TFCP2L1: variants seen among roughly 807,000 people sequenced by gnomAD.
The protein encoded by TFCP2L1 is transcription factor CP2 like 1.
TFCP2L1 carries 12 observed loss-of-function variants against 72.2 expected under a neutral mutation model. The observed-to-expected ratio is 0.17, with a 90% CI of 0.11 to 0.27. TFCP2L1 has a LOEUF of 0.27. TFCP2L1 is among the 10% of genes least tolerant of loss of function. The pLI is 1.00. For synonymous variants in TFCP2L1, 260 were observed against 251.0 expected (o/e 1.04, Z -0.34); for missense variants, 488 against 624.6 (o/e 0.78, Z 2.33).
Position 121,218,315 on chromosome 2 carries a change from G to A in TFCP2L1, c.*6026C>T, listed in dbSNP as rs1359510438. The A allele has an allele frequency of 6.6e-6, 1 of 151,928 alleles. No homozygotes were observed. The highest frequency in any genetic ancestry group is 1.5e-5 in the Non-Finnish European group (1 of 67,998). 9.4% of individuals were successfully genotyped at this position (151,928 alleles called of 1,614,324 possible). A position where few individuals can be genotyped will look rare whatever the true frequency, so the allele number is the denominator to read the frequency against. On this transcript the variant is annotated 3_prime_UTR_variant, in exon 15 of 15. Transcript: ENST00000263707. ...GAATTTTTTTTTTTGTGATGGGGGA[G>A]AAAACACTTCATTGGGTTCAAAGAT... is the stretch of plus-strand genomic sequence containing the variant.
intron 14 of TFCP2L1, among the ~76,000 whole-genome samples, 183 bp from the exon 15 acceptor site, chr2:121,224,570 T>A (rs915344055): frequency 5.3e-5 from 8 of 152,172 alleles, no homozygotes; most frequent in Non-Finnish European, 1.0e-4. Context: ...TCGTTTAGTG[T>A]CTTTTTAACA....
chr2:121,274,256 T>C (rs1380187705), intron 2 of TFCP2L1, among the ~76,000 whole-genome samples: 1 of 152,106 alleles, frequency 6.6e-6, no homozygotes, highest in Non-Finnish European at 1.5e-5. Context: ...TTTCTAAATA[T>C]TTACAGAGCA....
intron 2 of TFCP2L1, among the ~76,000 whole-genome samples, chr2:121,264,779 G>A (rs186920559): frequency 6.6e-6 from 1 of 152,212 alleles, no homozygotes; most frequent in Non-Finnish European, 1.5e-5. Context: ...GCAGATGGCT[G>A]CCAGTCTGTT....
intron 2 of TFCP2L1, among the ~76,000 whole-genome samples, chr2:121,249,992 G>C (rs540757749): frequency 6.6e-6 from 1 of 152,124 alleles, no homozygotes; most frequent in Non-Finnish European, 1.5e-5. Context: ...CCAATACAAC[G>C]GGATGGAGAA....
chr2:121,260,432 C>A (rs1686808415), intron 2 of TFCP2L1, among the ~76,000 whole-genome samples: 1 of 152,164 alleles, frequency 6.6e-6, no homozygotes, highest in Non-Finnish European at 1.5e-5. Context: ...CCCGCCCACA[C>A]GTATTAATAG....
chr2:121,277,736 C>G (rs1408641941), intron 2 of TFCP2L1, among the ~76,000 whole-genome samples: 1 of 151,992 alleles, frequency 6.6e-6, no homozygotes, highest in African/African-American at 2.4e-5. Flanking sequence ...AAATCATTTT[C>G]AATGACATGA....
chr2:121,275,896 C>A (rs1483325320), intron 2 of TFCP2L1, among the ~76,000 whole-genome samples: 2 of 152,150 alleles, frequency 1.3e-5, no homozygotes, highest in African/African-American at 4.8e-5. Context: ...ACGGTTATAA[C>A]CCTCTGTAAG....
intron 4 of TFCP2L1, 76 bp downstream of exon 4, chr2:121,248,906 G>A: frequency 8.3e-7 from 1 of 1,207,618 alleles, no homozygotes; most frequent in South Asian, 1.6e-5. Flanking sequence ...CATAGGTCCG[G>A]GTGGCATCCA....
At chr2:121,247,163 G>C (rs1177803911) in intron 5 of TFCP2L1, among the ~76,000 whole-genome samples, 193 bp from the exon 6 acceptor site, 1 of 152,042 alleles carries the variant, frequency 6.6e-6, no homozygotes, top group Non-Finnish European at 1.5e-5. Flanking sequence ...GCCTGCAAAA[G>C]ACATACACAC....
intron 2 of TFCP2L1, among the ~76,000 whole-genome samples, chr2:121,280,769 G>GAAA (rs557121688): frequency 8.4e-4 from 20 of 23,946 alleles, no homozygotes; most frequent in African/African-American, 2.2e-3. Context: ...CTCAAAAAAG[G>GAAA]AAAAAAAAAA....
Position 121,216,985 on chromosome 2 carries a change from C to A in TFCP2L1, c.*7356G>T, listed in dbSNP as rs948879155. Reference sequence around the variant, plus strand: ...CCCTTCTCTTCTGTGGTTAACCAAGCAAGCCCCGCAAAGCTTTTCCCAGCA... The same window carrying A: ...CCCTTCTCTTCTGTGGTTAACCAAGAAAGCCCCGCAAAGCTTTTCCCAGCA... On this transcript the variant is annotated 3_prime_UTR_variant, in exon 15 of 15. Coordinates refer to ENST00000263707, the MANE Select transcript of TFCP2L1 (RefSeq NM_014553.3). 2.6e-5 allele frequency: 4 copies of A among 152,416 alleles called. No individual in the cohort carries two copies. Among genetic ancestry groups the A allele is most frequent in the Admixed American group, 2.0e-4 (3 of 15,284 alleles). The allele number at this position is 152,416 out of a possible 1,614,324, so 9.4% of individuals were successfully genotyped here. A position where few individuals can be genotyped will look rare whatever the true frequency, so the allele number is the denominator to read the frequency against.
chr2:121,242,528 G>T, intron 6 of TFCP2L1, 59 bp from the exon 7 acceptor site: 3 of 1,526,916 alleles, frequency 2.0e-6, no homozygotes, highest in African/African-American at 1.4e-5. Flanking sequence ...CAGCCCCCAA[G>T]CCCTCTCCTG....
chr2:121,229,631 A>C (rs1686100180), intron 13 of TFCP2L1, among the ~76,000 whole-genome samples: 1 of 152,172 alleles, frequency 6.6e-6, no homozygotes, highest in African/African-American at 2.4e-5. Flanking sequence ...CCCAAATAAC[A>C]AGTGCCCTGC....
chr2:121,254,788 G>GCGAGACTC (rs1443313446), intron 2 of TFCP2L1, among the ~76,000 whole-genome samples: 2 of 151,132 alleles, frequency 1.3e-5, no homozygotes, highest in South Asian at 4.2e-4. Context: ...GGGGGAGAGA[G>GCGAGACTC]CGAGACTCCG....
At chr2:121,271,633 T>C (rs1262060560) in intron 2 of TFCP2L1, among the ~76,000 whole-genome samples, 2 of 152,174 alleles carry the variant, frequency 1.3e-5, no homozygotes, top group African/African-American at 2.4e-5. Flanking sequence ...GTCACTGATA[T>C]AATTGGTAAG....
At chr2:121,243,875 A>T (rs141426980) in intron 6 of TFCP2L1, among the ~76,000 whole-genome samples, 1 of 152,304 alleles carries the variant, frequency 6.6e-6, no homozygotes, top group African/African-American at 2.4e-5. Context: ...AATGTAATGC[A>T]CTGAATCATC....
In TFCP2L1 at chr2:121,221,629, T is replaced by C. The variant is rs778146575; in HGVS notation, c.*2712A>G. The stretch of plus-strand genomic sequence containing the variant: ...ACTCGAAATGGATCAAAGACCATTG[T>C]GAGAACTAAAAGTATAGTTCTTAGA... On this transcript the variant is annotated 3_prime_UTR_variant, in exon 15 of 15. Coordinates refer to ENST00000263707, the MANE Select transcript of TFCP2L1 (RefSeq NM_014553.3). 28 of 108,910 alleles carry C rather than the reference T, an allele frequency of 2.6e-4. No individual in the cohort carries two copies. The highest frequency in any genetic ancestry group is 4.8e-4 in the Admixed American group (5 of 10,520). The allele number at this position is 108,910 out of a possible 1,614,324, so 6.7% of individuals were successfully genotyped here.
chr2:121,259,340 A>G (rs1371031825), intron 2 of TFCP2L1, among the ~76,000 whole-genome samples: 3 of 152,234 alleles, frequency 2.0e-5, no homozygotes, highest in Admixed American at 6.5e-5. Flanking sequence ...TCAGCGAGGA[A>G]AAAATATATA....
At chr2:121,259,857 G>A (rs978752630) in intron 2 of TFCP2L1, among the ~76,000 whole-genome samples, 2 of 152,084 alleles carry the variant, frequency 1.3e-5, no homozygotes, top group Non-Finnish European at 2.9e-5. Context: ...AAACAACTAG[G>A]GATATATTGC....
Sources: allele counts gnomAD v4.1 joint callset (sites outside exome capture counted in the v4.1 genomes callset), GRCh38; gene constraint gnomAD v4.1.1; transcripts MANE v1.5; gene names NCBI Gene and HGNC (gene_info 2026-07-23, HGNC 2026-07-21).